KCNJ6: variants seen among roughly 807,000 people sequenced by gnomAD.
KCNJ6 encodes potassium inwardly rectifying channel subfamily J member 6.
KCNJ6 carries 9 observed loss-of-function variants against 34.2 expected under a neutral mutation model. The observed-to-expected ratio is 0.26, with a 90% CI of 0.16 to 0.46. KCNJ6 has a LOEUF of 0.46. Ranked by LOEUF, KCNJ6 falls within the 20% of genes least tolerant of loss-of-function variation. The pLI is 1.00. For missense variants in KCNJ6, 236 were observed against 531.3 expected, an observed-to-expected ratio of 0.44 and a Z score of 5.46; for synonymous variants, 196 against 207.1, an observed-to-expected ratio of 0.95 and a Z score of 0.46.
intron 2 of KCNJ6, among the ~76,000 whole-genome samples, chr21:37,839,004 T>C (rs955054983): frequency 1.3e-5 from 2 of 152,218 alleles, no homozygotes; most frequent in Non-Finnish European, 2.9e-5. Flanking sequence ...CCCTTCACCA[T>C]GATTGTAAGT....
At chr21:37,648,019 G>A (rs969671947) in intron 3 of KCNJ6, among the ~76,000 whole-genome samples, 2 of 152,212 alleles carry the variant, frequency 1.3e-5, no homozygotes, top group South Asian at 2.1e-4. Flanking sequence ...CCTGTGATCC[G>A]TGACTGTTCT....
chr21:37,905,898 G>A (rs1313636004), intron 1 of KCNJ6, among the ~76,000 whole-genome samples: 3 of 152,196 alleles, frequency 2.0e-5, no homozygotes, highest in African/African-American at 7.2e-5. Context: ...TATGAAGGTG[G>A]TCAGGAGATG....
At chr21:37,770,465 A>G (rs543854804) in intron 2 of KCNJ6, among the ~76,000 whole-genome samples, 1 of 152,344 alleles carries the variant, frequency 6.6e-6, no homozygotes, top group South Asian at 2.1e-4. Flanking sequence ...ATCCTTATCA[A>G]CAACAGGAAA....
intron 3 of KCNJ6, among the ~76,000 whole-genome samples, chr21:37,643,036 TAACTG>T (rs970647540): frequency 6.6e-6 from 1 of 152,142 alleles, no homozygotes; most frequent in African/African-American, 2.4e-5. Flanking sequence ...TTGAGTATGA[TAACTG>T]AACAATATAG....
intron 2 of KCNJ6, among the ~76,000 whole-genome samples, chr21:37,795,215 T>C (rs2055235406): frequency 6.6e-6 from 1 of 152,170 alleles, no homozygotes; most frequent in Non-Finnish European, 1.5e-5. Flanking sequence ...GATAATGAAA[T>C]GAAACCAAAT....
chr21:37,865,696 C>T (rs1461008555), intron 1 of KCNJ6, among the ~76,000 whole-genome samples: 1 of 152,236 alleles, frequency 6.6e-6, no homozygotes, highest in Non-Finnish European at 1.5e-5. Context: ...AATGATAACT[C>T]AGGCACTTTC....
At chr21:37,901,617 C>T (rs972990528) in intron 1 of KCNJ6, among the ~76,000 whole-genome samples, 11 of 152,210 alleles carry the variant, frequency 7.2e-5, no homozygotes, top group East Asian at 3.8e-4. Flanking sequence ...CAGGAATAAA[C>T]AGACGTTCAA....
intron 3 of KCNJ6, among the ~76,000 whole-genome samples, chr21:37,699,531 G>A (rs1410439062): frequency 6.6e-6 from 1 of 152,164 alleles, no homozygotes; most frequent in Non-Finnish European, 1.5e-5. Flanking sequence ...TCTGGCAGAG[G>A]GGAGGAGATT....
chr21:37,610,862 A>T lies in KCNJ6; in HGVS notation c.*14297T>A, dbSNP rs2054240632. On this transcript the variant is annotated 3_prime_UTR_variant, in exon 4 of 4. Coordinates refer to ENST00000609713, the MANE Select transcript of KCNJ6 (RefSeq NM_002240.5). ...AAAAACAATGCTTAAAGGGAAATTT[A>T]TAACATTGAATGCAGATAGCACAAA... 2.0e-5 allele frequency: 3 copies of T among 152,176 alleles called. No individual in the cohort carries two copies. Among genetic ancestry groups the T allele is most frequent in the African/African-American group, 7.2e-5 (3 of 41,468 alleles). The allele number at this position is 152,176 out of a possible 1,614,324, so 9.4% of individuals were successfully genotyped here.
intron 2 of KCNJ6, among the ~76,000 whole-genome samples, chr21:37,831,698 C>T (rs533515847): frequency 1.3e-5 from 2 of 152,280 alleles, no homozygotes; most frequent in South Asian, 2.1e-4. Context: ...AAAACCTGCA[C>T]CTGCCTCCAG....
intron 1 of KCNJ6, among the ~76,000 whole-genome samples, chr21:37,866,135 G>T (rs1436841748): frequency 6.6e-6 from 1 of 152,058 alleles, no homozygotes; most frequent in East Asian, 1.9e-4. Context: ...TTAAACGCTG[G>T]CTTGAAGCTT....
At chr21:37,707,735 G>GTGTGTGTGTGTGTATATGTGTGCATGTGT (rs1267356647) in intron 3 of KCNJ6, among the ~76,000 whole-genome samples, 6 of 149,680 alleles carry the variant, frequency 4.0e-5, no homozygotes, top group Admixed American at 6.7e-5. Context: ...GTGTGTGTGT[G>GTGTGTGTGTGTGTATATGTGTGCATGTGT]AATAATTTAC....
chr21:37,869,369 G>A (rs2055638999), intron 1 of KCNJ6, among the ~76,000 whole-genome samples: 2 of 152,232 alleles, frequency 1.3e-5, no homozygotes, highest in Admixed American at 1.3e-4. Flanking sequence ...TAATCCAAGA[G>A]GTGTTTTTAC....
At chr21:37,825,692 A>G (rs2055395753) in intron 2 of KCNJ6, among the ~76,000 whole-genome samples, 1 of 152,076 alleles carries the variant, frequency 6.6e-6, no homozygotes, top group Non-Finnish European at 1.5e-5. Context: ...CATACCCAAG[A>G]CTGGGTAATT....
intron 2 of KCNJ6, among the ~76,000 whole-genome samples, chr21:37,802,788 C>G (rs1418776159): frequency 2.0e-5 from 3 of 152,176 alleles, no homozygotes; most frequent in Non-Finnish European, 4.4e-5. Flanking sequence ...GCATTTAAAT[C>G]ATTTTAAGGG....
At chr21:37,661,367 A>G (rs573216202) in intron 3 of KCNJ6, among the ~76,000 whole-genome samples, 1 of 152,234 alleles carries the variant, frequency 6.6e-6, no homozygotes, top group Admixed American at 6.5e-5. Context: ...ATGATTAATC[A>G]GCACGTGATT....
At chr21:37,644,224 G>A (rs999805836) in intron 3 of KCNJ6, among the ~76,000 whole-genome samples, 1 of 152,190 alleles carries the variant, frequency 6.6e-6, no homozygotes, top group East Asian at 1.9e-4. Flanking sequence ...GGGCCTGGTG[G>A]AGGGCAGAGG....
chr21:37,914,240 G>C (rs1313283656), intron 1 of KCNJ6, among the ~76,000 whole-genome samples: 1 of 152,130 alleles, frequency 6.6e-6, no homozygotes, highest in Non-Finnish European at 1.5e-5. Context: ...TTGATATCCA[G>C]ATTCTGCACG....
chr21:37,770,813 T>A (rs2055114265), intron 2 of KCNJ6, among the ~76,000 whole-genome samples: 1 of 152,182 alleles, frequency 6.6e-6, no homozygotes, highest in African/African-American at 2.4e-5. Context: ...AGGGGATATA[T>A]TTGTATATAT....
Sources: gnomAD v4.1 joint callset for allele counts (sites outside exome capture counted in the v4.1 genomes callset) on GRCh38, gnomAD v4.1.1 for gene constraint, MANE v1.5 for transcripts, NCBI Gene and HGNC (gene_info 2026-07-23, HGNC 2026-07-21) for gene names.